Variants in CREBBP observed in about 807,000 individuals in gnomAD.
The protein encoded by CREBBP is CREB binding lysine acetyltransferase.
In CREBBP, 19 loss-of-function variants were observed where a neutral mutation model predicts 265.0. The ratio of observed to expected loss-of-function variants is 0.07; its 90% CI spans 0.05 to 0.11. CREBBP has a LOEUF of 0.11. CREBBP is among the 10% of genes least tolerant of loss of function. The pLI is 1.00. For missense variants in CREBBP, 2,525 were observed against 3,219.0 expected (o/e 0.78, Z 5.22); for synonymous variants, 1,457 against 1,223.7 (o/e 1.19, Z -3.98).
In CREBBP at chr16:3,851,002, T is replaced by A; in HGVS notation, c.93A>T (p.Gly31=). The stretch of plus-strand genomic sequence containing the variant: ...GATCATTTTCCAAGTCAAACAATGA[T>A]CCAAAATCTAGAAATTAAACAGAAA... ...GFSANDSTDF[G]SLFDLENDLP... Residue 31 remains glycine, a synonymous_variant, in exon 2 of 31, where the codon GGA becomes GGT. Coordinates refer to ENST00000262367, the MANE Select transcript of CREBBP (RefSeq NM_004380.3). 1 of 1,613,858 alleles carries A rather than the reference T, an allele frequency of 6.2e-7. No individual in the cohort carries two copies. Among genetic ancestry groups the A allele is most frequent in the Non-Finnish European group, 8.5e-7 (1 of 1,179,846 alleles).
chr16:3,821,321 C>G (rs1031259455), intron 2 of CREBBP, among the ~76,000 whole-genome samples: 1 of 152,198 alleles, frequency 6.6e-6, no homozygotes, highest in African/African-American at 2.4e-5. Context: ...ACTTAACTGT[C>G]AACCCCTGGA....
chr16:3,850,078 T>G lies in CREBBP; in HGVS notation c.798+219A>C, dbSNP rs566155180. Among the ~76,000 whole-genome samples the G allele has an allele frequency of 4.6e-5, 7 of 152,286 alleles. No homozygotes were observed. In the South Asian group the frequency reaches 1.5e-3, roughly 32 times the overall value. On this transcript the variant is annotated intron_variant, in intron 2 of 30. Transcript: ENST00000262367. ...CCCTGTACTTTCCAACTGCCTGACC[T>G]GCAAGCTGTCCTACTTCTTTAAGAA... is the stretch of plus-strand genomic sequence containing the variant.
intron 3 of CREBBP, among the ~76,000 whole-genome samples, chr16:3,800,905 C>A (rs903270604): frequency 6.6e-6 from 1 of 152,160 alleles, no homozygotes; most frequent in Non-Finnish European, 1.5e-5. Flanking sequence ...CATTTATGAA[C>A]TAGGAAAAAT....
Position 3,726,618 on chromosome 16 carries a change from T to C in CREBBP, c.*1100A>G, listed in dbSNP as rs1186523274. ...TATAAATAAATAAAAACCTTAAACATTCTTACAGGGATCTTAAAGAACAGA... is the reference window on the plus strand; with the variant it reads ...TATAAATAAATAAAAACCTTAAACACTCTTACAGGGATCTTAAAGAACAGA... On this transcript the variant is annotated 3_prime_UTR_variant, in exon 31 of 31. Coordinates refer to ENST00000262367, the MANE Select transcript of CREBBP (RefSeq NM_004380.3). 1 of 233,554 alleles carries C rather than the reference T, an allele frequency of 4.3e-6. No homozygotes were observed. Among genetic ancestry groups the C allele is most frequent in the African/African-American group, 2.2e-5 (1 of 45,342 alleles). 14.5% of individuals were successfully genotyped at this position (233,554 alleles called of 1,614,324 possible). A position where few individuals can be genotyped will look rare whatever the true frequency, so the allele number is the denominator to read the frequency against.
chr16:3,781,461 C>CT (rs1194218449), intron 6 of CREBBP, among the ~76,000 whole-genome samples, 155 bp from the exon 7 acceptor site: 6 of 152,128 alleles, frequency 3.9e-5, no homozygotes, highest in African/African-American at 1.4e-4. Flanking sequence ...GGCAGGAACT[C>CT]TGAGTGTCAT....
At chr16:3,771,043 A>G in intron 13 of CREBBP, 57 bp from the exon 14 acceptor site, 1 of 1,595,084 alleles carries the variant, frequency 6.3e-7, no homozygotes, top group African/African-American at 1.3e-5. Flanking sequence ...AAATGTGATG[A>G]AACATTTGAA....
chr16:3,798,910 C>G (rs1316888452), intron 3 of CREBBP, among the ~76,000 whole-genome samples: 1 of 152,096 alleles, frequency 6.6e-6, no homozygotes, highest in Non-Finnish European at 1.5e-5. Context: ...TTACAAATAG[C>G]CAAAAAGTGG....
Position 3,770,737 on chromosome 16 carries a change from A to G in CREBBP, c.2713T>C (p.Ser905Pro), listed in dbSNP as rs1205995511. The G allele has an allele frequency of 1.2e-6, 2 of 1,614,002 alleles. No homozygotes were observed. Among genetic ancestry groups the G allele is most frequent in the Admixed American group, 1.7e-5 (1 of 59,992 alleles). The change falls in exon 14 of 31, where the codon TCA becomes CCA. Residue 905 changes from serine (S) to proline (P), a missense_variant. Transcript: ENST00000262367. ...TGGGTTTGGGTAGCACTGGGCACTG[A>G]GCCAGGAGTCGGGGTGGGAGTCTGC... ...SGQTPTPTPG[S>P]VPSATQTQST...
At chr16:3,868,526 T>C (rs1451293603) in intron 1 of CREBBP, among the ~76,000 whole-genome samples, 1 of 152,174 alleles carries the variant, frequency 6.6e-6, no homozygotes, top group Non-Finnish European at 1.5e-5. Context: ...TAAAGCTTAA[T>C]TTTGTTTTAT....
rs187552100 is a variant in CREBBP at position 3,725,241 on chromosome 16, C to T, written c.*2477G>A. ...CAAACTTAGGGTTAGCATCCACAGA[C>T]CATGCTCTCGGTCACATCCTTCGAC... On this transcript the variant is annotated 3_prime_UTR_variant, in exon 31 of 31. Transcript: ENST00000262367. 8.6e-6 allele frequency: 2 copies of T among 233,484 alleles called. No individual in the cohort carries two copies. Among genetic ancestry groups the T allele is most frequent in the Non-Finnish European group, 1.7e-5 (2 of 118,010 alleles). The allele number at this position is 233,484 out of a possible 1,614,324, so 14.5% of individuals were successfully genotyped here. A position where few individuals can be genotyped will look rare whatever the true frequency, so the allele number is the denominator to read the frequency against.
chr16:3,815,898 C>A (rs1369610212), intron 2 of CREBBP, among the ~76,000 whole-genome samples: 1 of 150,840 alleles, frequency 6.6e-6, no homozygotes, highest in Non-Finnish European at 1.5e-5. Flanking sequence ...CTTATTCATT[C>A]TTTTTTTTTG....
chr16:3,730,936 C>T (rs549312305), intron 30 of CREBBP, among the ~76,000 whole-genome samples: 4 of 152,356 alleles, frequency 2.6e-5, no homozygotes, highest in South Asian at 4.1e-4. Context: ...GAACTGGGCA[C>T]AGACAGGCCA....
intron 1 of CREBBP, among the ~76,000 whole-genome samples, chr16:3,861,956 G>T (rs1311967407): frequency 4.6e-5 from 7 of 152,132 alleles, no homozygotes; most frequent in Non-Finnish European, 1.0e-4. Context: ...ATCTGCTGAA[G>T]AGCCAGAGAG....
intron 17 of CREBBP, 81 bp downstream of exon 17, chr16:3,758,773 A>C (rs551641770): frequency 9.4e-7 from 1 of 1,062,956 alleles, no homozygotes; most frequent in African/African-American, 1.6e-5. Flanking sequence ...GGATTATTTT[A>C]TCTAATTTCA....
intron 2 of CREBBP, among the ~76,000 whole-genome samples, chr16:3,815,166 G>A (rs1226647605): frequency 6.6e-6 from 1 of 152,180 alleles, no homozygotes; most frequent in African/African-American, 2.4e-5. Flanking sequence ...TAGGACCAAT[G>A]CCCAAAATGA....
At chr16:3,842,835 G>A (rs757741249) in intron 2 of CREBBP, among the ~76,000 whole-genome samples, 18 of 151,688 alleles carry the variant, frequency 1.2e-4, no homozygotes, top group Non-Finnish European at 1.6e-4. Flanking sequence ...GCGTGGTGGC[G>A]GGCGCCTGTA....
Position 3,820,511 on chromosome 16 carries a change from C to T in CREBBP, c.799-9732G>A, listed in dbSNP as rs187011269. ...CGGCCCCCAGGTCTGAACATTTGCC[C>T]TGGAAGGATAAGTCCTAACTGGAAG... On this transcript the variant is annotated intron_variant, in intron 2 of 30. Transcript: ENST00000262367. Among the ~76,000 whole-genome samples the T allele has an allele frequency of 3.1e-3, 470 of 152,286 alleles. 1 individual carries two copies. The highest frequency in any genetic ancestry group is 0.011 in the African/African-American group (443 of 41,552).
chr16:3,803,579 C>T (rs1043912119), intron 3 of CREBBP, among the ~76,000 whole-genome samples: 3 of 152,050 alleles, frequency 2.0e-5, no homozygotes, highest in Admixed American at 6.5e-5. Context: ...TATAAGTAAT[C>T]TTAAAGCTGT....
At chr16:3,781,543 G>A (rs1235741077) in intron 6 of CREBBP, among the ~76,000 whole-genome samples, 1 of 152,104 alleles carries the variant, frequency 6.6e-6, no homozygotes, top group Admixed American at 6.6e-5. Flanking sequence ...TGTAACCAAA[G>A]TAAGGTGTGT....
Sources: gnomAD v4.1 joint callset for allele counts (sites outside exome capture counted in the v4.1 genomes callset) on GRCh38, gnomAD v4.1.1 for gene constraint, MANE v1.5 for transcripts, NCBI Gene and HGNC (gene_info 2026-07-23, HGNC 2026-07-21) for gene names.